The following ATRNL1 variants were observed in gnomAD, a reference collection of about 807,000 sequenced individuals.
The protein encoded by ATRNL1 is attractin like 1, also known as attractin-like protein 1.
A neutral mutation model predicts 182.7 loss-of-function variants in ATRNL1; 95 were observed. The observed-to-expected ratio is 0.52, with a 90% confidence interval of 0.44 to 0.62. The LOEUF (loss-of-function observed/expected upper bound fraction) is 0.62. ATRNL1 is among the 20% of genes least tolerant of loss of function. ATRNL1 has a pLI of 0.00. For missense variants in ATRNL1, 1,471 were observed against 1,679.5 expected, an observed-to-expected ratio of 0.88 and a Z score of 2.17; for synonymous variants, 576 against 568.3, an observed-to-expected ratio of 1.01 and a Z score of -0.19.
At chr10:115,206,647 T>C (rs1848808100) in intron 8 of ATRNL1, among the ~76,000 whole-genome samples, 1 of 152,154 alleles carries the variant, frequency 6.6e-6, no homozygotes, top group Non-Finnish European at 1.5e-5. Context: ...CTTTCTCCTA[T>C]TCTCTTTATT....
chr10:115,794,735 T>G (rs962414750), intron 27 of ATRNL1, among the ~76,000 whole-genome samples: 2 of 152,196 alleles, frequency 1.3e-5, no homozygotes, highest in South Asian at 4.1e-4. Flanking sequence ...TTGCTGATGA[T>G]GTTTGCTTTA....
At chr10:115,426,673 T>G (rs1554962978) in intron 21 of ATRNL1, among the ~76,000 whole-genome samples, 1 of 152,208 alleles carries the variant, frequency 6.6e-6, no homozygotes, top group East Asian at 1.9e-4. Context: ...ACTGATTTTG[T>G]ACCAACAGAT....
At chr10:115,317,931 T>C (rs1324218046) in intron 18 of ATRNL1, among the ~76,000 whole-genome samples, 1 of 152,106 alleles carries the variant, frequency 6.6e-6, no homozygotes, top group Non-Finnish European at 1.5e-5. Context: ...TCTAGTACCA[T>C]GTTGGATAGG....
At chr10:115,181,818 C>A (rs1287400942) in intron 8 of ATRNL1, among the ~76,000 whole-genome samples, 1 of 151,632 alleles carries the variant, frequency 6.6e-6, no homozygotes, top group African/African-American at 2.4e-5. Flanking sequence ...TTGTAGTCCG[C>A]TTTTAGTTTT....
chr10:115,570,286 C>G (rs1337573893), intron 26 of ATRNL1, among the ~76,000 whole-genome samples: 1 of 152,152 alleles, frequency 6.6e-6, no homozygotes, highest in Non-Finnish European at 1.5e-5. Context: ...TATTAAAGCA[C>G]TAATTCCAAT....
At chr10:115,189,691 A>T (rs1848094845) in intron 8 of ATRNL1, among the ~76,000 whole-genome samples, 1 of 152,164 alleles carries the variant, frequency 6.6e-6, no homozygotes, top group African/African-American at 2.4e-5. Flanking sequence ...AAAATTAAAA[A>T]GTTTATAAGT....
intron 25 of ATRNL1, among the ~76,000 whole-genome samples, chr10:115,535,236 C>T (rs1464298385): frequency 6.6e-6 from 1 of 152,190 alleles, no homozygotes; most frequent in African/African-American, 2.4e-5. Flanking sequence ...CCGTCACTTT[C>T]AGGTACACCG....
At chr10:115,431,108 G>C (rs923228265) in intron 21 of ATRNL1, among the ~76,000 whole-genome samples, 1 of 152,046 alleles carries the variant, frequency 6.6e-6, no homozygotes, top group African/African-American at 2.4e-5. Context: ...GATCAAGATT[G>C]AAAAGATATA....
intron 26 of ATRNL1, among the ~76,000 whole-genome samples, chr10:115,702,376 T>G (rs550628238): frequency 1.3e-5 from 2 of 152,148 alleles, no homozygotes; most frequent in East Asian, 3.9e-4. Context: ...GGATGCTCAC[T>G]TTCACTATTC....
rs559506908 is a variant in ATRNL1 at position 115,925,731 on chromosome 10, C to T, written c.4019-18927C>T. Among the ~76,000 whole-genome samples, 8 of 152,174 alleles carry T rather than the reference C, an allele frequency of 5.3e-5. No homozygotes were observed. The East Asian group carries it at 9.6e-4, about 18-fold the overall frequency. On this transcript the variant is annotated intron_variant, in intron 28 of 28. Transcript: ENST00000355044. ...AAGAGCTAACTATTCTAAGTATACA[C>T]GCACCCAATACAGGAGCAGCCAGAT...
chr10:115,412,992 C>T (rs1285474575), intron 20 of ATRNL1, among the ~76,000 whole-genome samples: 3 of 152,108 alleles, frequency 2.0e-5, no homozygotes, highest in Non-Finnish European at 4.4e-5. Context: ...GATTCCAGAT[C>T]ATATTATTAT....
chr10:115,571,165 G>C (rs1555003352), intron 26 of ATRNL1, among the ~76,000 whole-genome samples: 1 of 152,070 alleles, frequency 6.6e-6, no homozygotes, highest in East Asian at 1.9e-4. Flanking sequence ...TTAATAGGAG[G>C]CAGCTTCTAG....
intron 9 of ATRNL1, among the ~76,000 whole-genome samples, chr10:115,223,887 A>ATG (rs1185815693): frequency 0.056 from 4,442 of 79,340 alleles, 149 homozygotes; most frequent in Non-Finnish European, 0.073. Context: ...TATTTAATAT[A>ATG]TGTGTGTGTG....
chr10:115,237,736 A>G (rs1366134936), intron 9 of ATRNL1, among the ~76,000 whole-genome samples: 1 of 152,160 alleles, frequency 6.6e-6, no homozygotes, highest in East Asian at 1.9e-4. Context: ...AATAGAGTCC[A>G]AATTATGACT....
chr10:115,195,484 G>A (rs1193647836), intron 8 of ATRNL1, among the ~76,000 whole-genome samples: 2 of 152,014 alleles, frequency 1.3e-5, no homozygotes, highest in Non-Finnish European at 2.9e-5. Context: ...ATATGTCAGG[G>A]ATTCTTTATA....
chr10:115,700,256 A>G (rs1946690314), intron 26 of ATRNL1, among the ~76,000 whole-genome samples: 1 of 152,032 alleles, frequency 6.6e-6, no homozygotes, highest in African/African-American at 2.4e-5. Context: ...TCTTTGAGAA[A>G]TCTTCAAACT....
chr10:115,578,374 T>C (rs1369273078), intron 26 of ATRNL1, among the ~76,000 whole-genome samples: 1 of 151,824 alleles, frequency 6.6e-6, no homozygotes, highest in Non-Finnish European at 1.5e-5. Flanking sequence ...TGTAAATTCA[T>C]CTGATCCTAG....
intron 17 of ATRNL1, among the ~76,000 whole-genome samples, chr10:115,306,670 T>A (rs962826415): frequency 1.3e-5 from 2 of 152,168 alleles, no homozygotes; most frequent in Non-Finnish European, 2.9e-5. Flanking sequence ...TCTTTACTCT[T>A]GTTGCAAATA....
chr10:115,296,892 A>G (rs1853221036), intron 15 of ATRNL1, among the ~76,000 whole-genome samples: 1 of 152,240 alleles, frequency 6.6e-6, no homozygotes, highest in South Asian at 2.1e-4. Flanking sequence ...ATCAAAAGAC[A>G]ATTGCTGTTC....
Sources: allele counts gnomAD v4.1 joint callset (sites outside exome capture counted in the v4.1 genomes callset), GRCh38; gene constraint gnomAD v4.1.1; transcripts MANE v1.5; gene names NCBI Gene and HGNC (gene_info 2026-07-23, HGNC 2026-07-21).